EYS: variants seen among roughly 807,000 people sequenced by gnomAD.
The protein encoded by EYS is protein eyes shut homolog.
Under a neutral mutation model 282.1 loss-of-function variants are expected in EYS, and 250 were observed. That is an observed-to-expected ratio of 0.89 (90% CI 0.80 to 0.98). EYS has a LOEUF of 0.98. Among genes scored for constraint, EYS ranks in the 50% least tolerant of loss-of-function variants. The pLI is 0.00. For synonymous variants in EYS, 1,355 were observed against 1,282.9 expected, an observed-to-expected ratio of 1.06 and a Z score of -1.20; for missense variants, 4,016 against 3,709.0, an observed-to-expected ratio of 1.08 and a Z score of -2.15.
At chr6:65,372,347 T>C (rs1765191109) in intron 8 of EYS, among the ~76,000 whole-genome samples, 1 of 151,998 alleles carries the variant, frequency 6.6e-6, no homozygotes, top group Non-Finnish European at 1.5e-5. Flanking sequence ...ACTATATGTA[T>C]TAAAATAAAA....
At chr6:65,574,563 A>G (rs931382224) in intron 2 of EYS, among the ~76,000 whole-genome samples, 2 of 152,208 alleles carry the variant, frequency 1.3e-5, no homozygotes, top group East Asian at 3.9e-4. Context: ...TAAATGTATT[A>G]ATTAATCAAG....
chr6:65,180,939 A>C (rs1765364257), intron 12 of EYS, among the ~76,000 whole-genome samples: 2 of 152,280 alleles, frequency 1.3e-5, no homozygotes, highest in Admixed American at 1.3e-4. Flanking sequence ...CAAACCTGAG[A>C]AAAACAAGCA....
At chr6:65,691,759 T>C (rs1769253243) in intron 1 of EYS, among the ~76,000 whole-genome samples, 1 of 150,546 alleles carries the variant, frequency 6.6e-6, no homozygotes, top group Middle Eastern at 3.4e-3. Context: ...AATTTTTGTA[T>C]AAAGTGTAAG....
intron 40 of EYS, among the ~76,000 whole-genome samples, chr6:63,771,779 TAAAG>T (rs1181039436): frequency 2.0e-5 from 3 of 152,140 alleles, no homozygotes; most frequent in Admixed American, 6.5e-5. Flanking sequence ...ACTTAAATAA[TAAAG>T]AAACAAAAAA....
intron 29 of EYS, among the ~76,000 whole-genome samples, chr6:64,360,696 T>C (rs1561950647): frequency 6.6e-6 from 1 of 151,790 alleles, no homozygotes; most frequent in African/African-American, 2.4e-5. Context: ...AAAATATATA[T>C]GCAGCATAGT....
At chr6:64,286,345 T>A (rs1410925801) in intron 30 of EYS, among the ~76,000 whole-genome samples, 6 of 152,314 alleles carry the variant, frequency 3.9e-5, no homozygotes, top group Non-Finnish European at 8.8e-5. Flanking sequence ...ATAGGCAGTA[T>A]GACACAATTA....
chr6:65,574,160 C>T (rs1314751384), intron 2 of EYS, among the ~76,000 whole-genome samples: 1 of 152,172 alleles, frequency 6.6e-6, no homozygotes, highest in Non-Finnish European at 1.5e-5. Flanking sequence ...GTGACTGTTC[C>T]ATGTGTGCCA....
chr6:63,965,665 A>G (rs1766272000), intron 35 of EYS, among the ~76,000 whole-genome samples: 1 of 152,182 alleles, frequency 6.6e-6, no homozygotes, highest in South Asian at 2.1e-4. Flanking sequence ...TGTGGAGCCA[A>G]AAAATGGTGG....
chr6:64,966,581 T>C (rs1214886208), intron 14 of EYS, among the ~76,000 whole-genome samples: 1 of 152,160 alleles, frequency 6.6e-6, no homozygotes, highest in Non-Finnish European at 1.5e-5. Context: ...TAGGGGAAAA[T>C]CTGTTCCATT....
intron 14 of EYS, among the ~76,000 whole-genome samples, chr6:64,979,274 C>A (rs1770575616): frequency 6.6e-6 from 1 of 151,746 alleles, no homozygotes; most frequent in Non-Finnish European, 1.5e-5. Flanking sequence ...TATGAAGTAA[C>A]CAATGCGAAC....
At chr6:64,424,402 G>C (rs1774336638) in intron 28 of EYS, among the ~76,000 whole-genome samples, 1 of 152,098 alleles carries the variant, frequency 6.6e-6, no homozygotes, top group Non-Finnish European at 1.5e-5. Flanking sequence ...TTTTTACCCA[G>C]GTTATTGTGA....
intron 29 of EYS, among the ~76,000 whole-genome samples, chr6:64,333,578 A>T (rs925133299): frequency 1.3e-5 from 2 of 152,156 alleles, no homozygotes; most frequent in Non-Finnish European, 2.9e-5. Flanking sequence ...AACCCACTCA[A>T]TCTGACAGTA....
chr6:64,438,139 G>A (rs1162131888), intron 27 of EYS, among the ~76,000 whole-genome samples: 3 of 151,608 alleles, frequency 2.0e-5, no homozygotes, highest in Non-Finnish European at 4.4e-5. Flanking sequence ...GTTTCAAAAT[G>A]TTATTAGCTG....
intron 2 of EYS, among the ~76,000 whole-genome samples, chr6:65,599,341 T>A (rs1765533479): frequency 6.6e-6 from 1 of 152,114 alleles, no homozygotes; most frequent in Admixed American, 6.6e-5. Flanking sequence ...GAGGATTTCT[T>A]CCTTTGCTTG....
intron 31 of EYS, among the ~76,000 whole-genome samples, chr6:64,097,351 G>A (rs1277320634): frequency 6.6e-6 from 1 of 152,162 alleles, no homozygotes; most frequent in African/African-American, 2.4e-5. Context: ...GCCCCCAGAG[G>A]TAGAGTCTAC....
At chr6:65,527,833 C>T (rs1358044544) in intron 2 of EYS, among the ~76,000 whole-genome samples, 1 of 152,102 alleles carries the variant, frequency 6.6e-6, no homozygotes, top group Non-Finnish European at 1.5e-5. Flanking sequence ...CCCTAAACAG[C>T]TTTAGTTAAG....
chr6:64,467,950 C>T (rs937561535), intron 26 of EYS, among the ~76,000 whole-genome samples: 3 of 152,032 alleles, frequency 2.0e-5, no homozygotes, highest in East Asian at 1.9e-4. Context: ...CAGGGTTGGC[C>T]GGCATCTGCT....
intron 2 of EYS, among the ~76,000 whole-genome samples, chr6:65,624,342 T>C (rs1562295832): frequency 6.6e-6 from 1 of 152,170 alleles, no homozygotes; most frequent in Admixed American, 6.5e-5. Context: ...TCAGCTTACA[T>C]GCTAAAAGAA....
intron 22 of EYS, among the ~76,000 whole-genome samples, chr6:64,773,476 T>A (rs921410816): frequency 1.3e-5 from 2 of 151,844 alleles, no homozygotes; most frequent in African/African-American, 4.8e-5. Context: ...CGATTTATAG[T>A]CTTTTGGATA....
Sources: gnomAD v4.1 joint callset for allele counts (sites outside exome capture counted in the v4.1 genomes callset) on GRCh38, gnomAD v4.1.1 for gene constraint, MANE v1.5 for transcripts, NCBI Gene and HGNC (gene_info 2026-07-23, HGNC 2026-07-21) for gene names.